Variants in DENND1B observed in about 807,000 individuals in gnomAD.
The protein encoded by DENND1B is DENN domain containing 1B.
DENND1B carries 59 observed loss-of-function variants against 90.1 expected under a neutral mutation model. The observed-to-expected ratio is 0.65, with a 90% CI of 0.53 to 0.81. The LOEUF (loss-of-function observed/expected upper bound fraction) is 0.81, where lower values mean the gene tolerates loss of function less well. DENND1B is among the 40% of genes least tolerant of loss of function. DENND1B has a pLI of 0.00. For synonymous variants in DENND1B, 337 were observed against 324.6 expected, an observed-to-expected ratio of 1.04 and a Z score of -0.41; for missense variants, 862 against 912.6, an observed-to-expected ratio of 0.94 and a Z score of 0.71.
At chr1:197,631,511 A>G (rs1342391788) in intron 10 of DENND1B, among the ~76,000 whole-genome samples, 1 of 152,016 alleles carries the variant, frequency 6.6e-6, no homozygotes, top group African/African-American at 2.4e-5. Context: ...ATAAATAGTA[A>G]ATAAAAACTG....
At chr1:197,526,363 A>C (rs1669129645) in intron 20 of DENND1B, among the ~76,000 whole-genome samples, 1 of 152,162 alleles carries the variant, frequency 6.6e-6, no homozygotes, top group Non-Finnish European at 1.5e-5. Context: ...ATTTGTTTAC[A>C]AAAGGTAGGC....
chr1:197,563,569 C>T (rs1036633157), intron 15 of DENND1B, among the ~76,000 whole-genome samples: 12 of 151,938 alleles, frequency 7.9e-5, no homozygotes, highest in African/African-American at 2.9e-4. Flanking sequence ...TGACAATGCA[C>T]CTGGCCACCC....
At chr1:197,552,915 G>A (rs1671361856) in intron 16 of DENND1B, 107 bp downstream of exon 16, 5 of 1,520,486 alleles carry the variant, frequency 3.3e-6, no homozygotes, top group African/African-American at 2.9e-5. Flanking sequence ...ACATATTTAG[G>A]AGGAAATCAT....
chr1:197,642,883 T>G (rs1680391682), intron 9 of DENND1B, 62 bp from the exon 10 acceptor site: 3 of 1,101,538 alleles, frequency 2.7e-6, no homozygotes, highest in South Asian at 1.4e-5. Context: ...GAAAAACATT[T>G]TACACACTTA....
chr1:197,603,244 T>C (rs1458569786), intron 13 of DENND1B, among the ~76,000 whole-genome samples: 1 of 151,332 alleles, frequency 6.6e-6, no homozygotes, highest in East Asian at 1.9e-4. Context: ...CAAACTGATA[T>C]TTCTTTAACA....
rs531742853 is a variant in DENND1B, at chr1:197,553,104, A to G, written c.1158T>C (p.Asp386=). Reference sequence around the variant, plus strand: ...CTGCATTTAGTTTTGCCAGTCGACCATCGATAAACTAGAATTAAAAAGTGT... The same window carrying G: ...CTGCATTTAGTTTTGCCAGTCGACCGTCGATAAACTAGAATTAAAAAGTGT... The part of the protein sequence containing the change: ...INLQLFKQFI[D]GRLAKLNAGR... Residue 386 remains aspartate (D), a synonymous_variant, in exon 16 of 23, where the codon GAT becomes GAC. Transcript: ENST00000620048. The G allele has an allele frequency of 2.6e-6, 4 of 1,527,238 alleles. No individual in the cohort carries two copies. The African/African-American group carries it at 4.3e-5, about 16-fold the overall frequency. 94.6% of individuals were successfully genotyped at this position (1,527,238 alleles called of 1,614,324 possible).
At position 197,675,374 on chromosome 1, in the gene DENND1B, C is replaced by T. The variant is rs75078695; in HGVS notation, c.127-1205G>A. ...ACTAAAAATAAAACATTATAAAATT[C>T]CAATACCAATACCTAAGAAAGCTTC... On this transcript the variant is annotated intron_variant, in intron 3 of 22. Transcript: ENST00000620048. 1.7e-4 allele frequency among the ~76,000 whole-genome samples: 26 copies of T among 152,004 alleles called. No homozygotes were observed. In the East Asian group the frequency reaches 5.0e-3, roughly 29 times the overall value.
chr1:197,624,003 C>T lies in DENND1B; in HGVS notation c.673-6244G>A, dbSNP rs529475634. 5.3e-5 allele frequency among the ~76,000 whole-genome samples: 8 copies of T among 151,640 alleles called. No individual in the cohort carries two copies. In the East Asian group the frequency reaches 1.4e-3, roughly 26 times the overall value. On this transcript the variant is annotated intron_variant, in intron 10 of 22. Coordinates refer to ENST00000620048, the MANE Select transcript of DENND1B (RefSeq NM_001195215.2). ...CAATACTGTGAAGATGTCAGTCCTT[C>T]CAACTTGATCTATAGATTACAATCC...
intron 2 of DENND1B, chr1:197,734,928 A>G: frequency 1.0e-6 from 1 of 985,378 alleles, no homozygotes; most frequent in Non-Finnish European, 1.2e-6. Flanking sequence ...TAATAGACAC[A>G]TGAAAATCTA....
chr1:197,771,179 T>C (rs565456729), intron 2 of DENND1B, among the ~76,000 whole-genome samples: 6 of 152,122 alleles, frequency 3.9e-5, no homozygotes, highest in African/African-American at 1.4e-4. Flanking sequence ...CCAAAAGTGC[T>C]GGGATTATAG....
chr1:197,732,723 G>T (rs371955824), intron 2 of DENND1B, among the ~76,000 whole-genome samples: 1 of 152,194 alleles, frequency 6.6e-6, no homozygotes, highest in Non-Finnish European at 1.5e-5. Flanking sequence ...CTGACAAGAG[G>T]AGAAGCAATT....
chr1:197,515,683 G>C (rs547777808), intron 20 of DENND1B, among the ~76,000 whole-genome samples: 12 of 151,884 alleles, frequency 7.9e-5, no homozygotes, highest in Middle Eastern at 3.4e-3. Context: ...TATTTGTAGA[G>C]TACTTTGCAA....
intron 13 of DENND1B, among the ~76,000 whole-genome samples, chr1:197,603,566 T>TA (rs144459840): frequency 0.024 from 3,579 of 151,432 alleles, 146 homozygotes; most frequent in African/African-American, 0.081. Flanking sequence ...ATGAATATTC[T>TA]AATACATGTA....
At chr1:197,577,083 C>T (rs917541710) in intron 15 of DENND1B, among the ~76,000 whole-genome samples, 6 of 151,428 alleles carry the variant, frequency 4.0e-5, no homozygotes, top group African/African-American at 1.5e-4. Context: ...AATATAGGCA[C>T]AGAAAAAAAG....
At chr1:197,618,546 T>C (rs1677867346) in intron 10 of DENND1B, among the ~76,000 whole-genome samples, 1 of 151,240 alleles carries the variant, frequency 6.6e-6, no homozygotes, top group African/African-American at 2.4e-5. Context: ...TTAAACATTT[T>C]TTAGTACTTA....
intron 10 of DENND1B, among the ~76,000 whole-genome samples, chr1:197,626,653 A>C (rs1281212674): frequency 1.3e-5 from 2 of 152,158 alleles, no homozygotes; most frequent in African/African-American, 2.4e-5. Context: ...AAAAACTAGC[A>C]AAAGGCAAGA....
At position 197,515,247 on chromosome 1, in the gene DENND1B, A is replaced by G. The variant is rs185298235; in HGVS notation, c.1516-2294T>C. ...ACTCGGAATGTGTAGTGAGGTTTCC[A>G]TAAGTTCAGGGATTAGAAATGTATC... On this transcript the variant is annotated intron_variant, in intron 20 of 22. Coordinates refer to ENST00000620048, the MANE Select transcript of DENND1B (RefSeq NM_001195215.2). 2.3e-3 allele frequency among the ~76,000 whole-genome samples: 346 copies of G among 151,812 alleles called. 1 individual carries two copies. The highest frequency in any genetic ancestry group is 2.0e-3 in the Non-Finnish European group (138 of 67,792).
At chr1:197,692,951 G>A (rs1372633349) in intron 3 of DENND1B, among the ~76,000 whole-genome samples, 1 of 151,496 alleles carries the variant, frequency 6.6e-6, no homozygotes, top group East Asian at 1.9e-4. Context: ...ATTCCTATTA[G>A]AATACCTGGC....
At chr1:197,647,360 G>A (rs2125926389) in intron 7 of DENND1B, among the ~76,000 whole-genome samples, 1 of 151,906 alleles carries the variant, frequency 6.6e-6, no homozygotes, top group East Asian at 1.9e-4. Flanking sequence ...ATTTTGAAAT[G>A]TTTCAAAAAA....
Sources: gnomAD v4.1 joint callset for allele counts (sites outside exome capture counted in the v4.1 genomes callset) on GRCh38, gnomAD v4.1.1 for gene constraint, MANE v1.5 for transcripts, NCBI Gene and HGNC (gene_info 2026-07-23, HGNC 2026-07-21) for gene names.